Variants in VPS13B observed in about 807,000 individuals in gnomAD.
VPS13B encodes intermembrane lipid transfer protein VPS13B.
Under a neutral mutation model 426.4 loss-of-function variants are expected in VPS13B, and 285 were observed. The ratio of observed to expected loss-of-function variants is 0.67; its 90% confidence interval spans 0.61 to 0.74. The LOEUF is 0.74. Among genes scored for constraint, VPS13B ranks in the 30% least tolerant of loss-of-function variants. VPS13B has a pLI of 0.00. For synonymous variants in VPS13B, 1,676 were observed against 1,676.4 expected, an observed-to-expected ratio of 1.00 and a Z score of 0.01; for missense variants, 4,537 against 4,782.6, an observed-to-expected ratio of 0.95 and a Z score of 1.51.
chr8:99,470,520 G>T (rs1054055186), intron 24 of VPS13B, among the ~76,000 whole-genome samples: 1 of 152,048 alleles, frequency 6.6e-6, no homozygotes, highest in Non-Finnish European at 1.5e-5. Flanking sequence ...CATATTATGT[G>T]GGCTTAAAGG....
chr8:99,104,797 T>C (rs1321097853), intron 5 of VPS13B, among the ~76,000 whole-genome samples: 1 of 151,980 alleles, frequency 6.6e-6, no homozygotes, highest in African/African-American at 2.4e-5. Context: ...CTAATTTTTG[T>C]ATTTTTTTGT....
At chr8:99,312,211 A>G (rs1165835713) in intron 19 of VPS13B, among the ~76,000 whole-genome samples, 3 of 152,178 alleles carry the variant, frequency 2.0e-5, no homozygotes, top group South Asian at 2.1e-4. Context: ...TCCTGTCATT[A>G]TGATGTTAGC....
At chr8:99,729,913 TA>T (rs1310367327) in intron 39 of VPS13B, among the ~76,000 whole-genome samples, 2 of 152,248 alleles carry the variant, frequency 1.3e-5, no homozygotes, top group Non-Finnish European at 2.9e-5. Context: ...AAGCTTCCCG[TA>T]ATTTTGAAGC....
chr8:99,579,199 T>G (rs892590048), intron 33 of VPS13B, among the ~76,000 whole-genome samples: 2 of 152,172 alleles, frequency 1.3e-5, no homozygotes, highest in African/African-American at 2.4e-5. Flanking sequence ...CTGTAAAACT[T>G]TCCGTATTTT....
At chr8:99,016,431 A>G (rs150775119) in intron 2 of VPS13B, among the ~76,000 whole-genome samples, 2 of 149,324 alleles carry the variant, frequency 1.3e-5, no homozygotes, top group East Asian at 3.9e-4. Flanking sequence ...TGTAGTGATA[A>G]CCTCATTGTA....
chr8:99,838,816 A>C (rs1815524962), intron 54 of VPS13B, among the ~76,000 whole-genome samples: 1 of 152,232 alleles, frequency 6.6e-6, no homozygotes, highest in Admixed American at 6.5e-5. Context: ...CTGTGCCTTC[A>C]AGGTGAACAG....
intron 17 of VPS13B, among the ~76,000 whole-genome samples, chr8:99,253,818 G>A (rs1817621538): frequency 6.6e-6 from 1 of 151,952 alleles, no homozygotes; most frequent in African/African-American, 2.4e-5. Flanking sequence ...CTGTCTTCTT[G>A]TGGGTTAGTT....
At chr8:99,093,536 C>G (rs1438295644) in intron 3 of VPS13B, among the ~76,000 whole-genome samples, 1 of 141,458 alleles carries the variant, frequency 7.1e-6, no homozygotes, top group Admixed American at 7.0e-5. Context: ...CCCCTCCCCC[C>G]ACCTCACAAC....
chr8:99,160,705 T>C (rs1203431181), intron 15 of VPS13B, among the ~76,000 whole-genome samples: 1 of 150,884 alleles, frequency 6.6e-6, no homozygotes, highest in Non-Finnish European at 1.5e-5. Flanking sequence ...TCATGTAATG[T>C]ATCAAAAGAT....
chr8:99,678,830 A>G (rs537550869), intron 35 of VPS13B, among the ~76,000 whole-genome samples: 45 of 152,322 alleles, frequency 3.0e-4, no homozygotes, highest in African/African-American at 1.1e-3. Context: ...AAAAAGCAGG[A>G]TAAATGCTTA....
At chr8:99,797,015 G>A (rs1812870021) in intron 43 of VPS13B, 1 of 152,188 alleles carries the variant, frequency 6.6e-6, no homozygotes, top group Non-Finnish European at 1.5e-5. Context: ...CTTGGTGAGA[G>A]TTGCTGCAGA....
rs754524880 is a variant in VPS13B, at chr8:99,853,707, C to T, written c.10318C>T (p.His3440Tyr). ...CCAGCTTTATAACAAGTCCAATTTC[C>T]ACTTTGCTGTCTTAGTCTGCCAGGG... is the stretch of plus-strand genomic sequence containing the variant. ...DNQLYNKSNF[H>Y]FAVLVCQGEK... The change falls in exon 56 of 62, where the codon CAC (histidine) becomes TAC (tyrosine). Residue 3440 changes from histidine to tyrosine, a missense_variant. His to Tyr is a moderately conservative substitution (Grantham distance 83). This residue lies in a region of VPS13B where 4,311 missense variants were observed against 4,474.3 expected (regional missense o/e 0.96). Transcript: ENST00000357162. 6.2e-7 allele frequency: 1 copy of T among 1,614,078 alleles called. No homozygotes were observed. Among genetic ancestry groups the T allele is most frequent in the Non-Finnish European group, 8.5e-7 (1 of 1,180,040 alleles).
chr8:99,276,568 A>G, intron 19 of VPS13B, among the ~76,000 whole-genome samples: 1 of 152,168 alleles, frequency 6.6e-6, no homozygotes, highest in East Asian at 1.9e-4. Context: ...ATAGCTACAG[A>G]CAAAACTTAA....
intron 33 of VPS13B, among the ~76,000 whole-genome samples, chr8:99,631,195 C>T (rs1035093794): frequency 1.3e-5 from 2 of 151,966 alleles, no homozygotes; most frequent in African/African-American, 4.8e-5. Context: ...CTTGTTGTTC[C>T]AGGTCCAAAA....
chr8:99,024,897 C>A (rs907955393), intron 2 of VPS13B, among the ~76,000 whole-genome samples: 1 of 152,058 alleles, frequency 6.6e-6, no homozygotes, highest in African/African-American at 2.4e-5. Flanking sequence ...GTCATTTTAA[C>A]AACAGTTTTT....
chr8:99,013,893 G>T lies in VPS13B; in HGVS notation c.105G>T (p.Val35=), dbSNP rs2132125551. The T allele has an allele frequency of 1.2e-6, 2 of 1,614,080 alleles. No homozygotes were observed. Among genetic ancestry groups the T allele is most frequent in the Non-Finnish European group, 8.5e-7 (1 of 1,180,004 alleles). Residue 35 remains valine (V), a synonymous_variant, in exon 2 of 62, where the codon GTG becomes GTT. Coordinates refer to ENST00000357162, the MANE Select transcript of VPS13B (RefSeq NM_152564.5). ...DLQLSLWGGD[V]VLSKLELKLD... ...AGCTTTCACTATGGGGTGGAGACGT[G>T]GTACTCAGCAAGCTCGAGTTAAAGT...
At chr8:99,073,977 C>G (rs1036340324) in intron 3 of VPS13B, among the ~76,000 whole-genome samples, 1 of 151,858 alleles carries the variant, frequency 6.6e-6, no homozygotes, top group African/African-American at 2.4e-5. Flanking sequence ...CCCTATATTG[C>G]CCAGGCTGGC....
At chr8:99,848,719 C>T (rs1480190918) in intron 54 of VPS13B, 57 bp from the exon 55 acceptor site, 4 of 1,503,796 alleles carry the variant, frequency 2.7e-6, no homozygotes, top group Non-Finnish European at 3.7e-6. Context: ...GAAGTCAAGC[C>T]ACTTCAATAG....
chr8:99,784,483 G>C lies in VPS13B; in HGVS notation c.7941+7G>C, dbSNP rs764563210. ...CTCTCACAAATCCCCACAGGTATTT[G>C]AGAAACACCCTTACAAACAGCCATT... On this transcript the variant is annotated splice_region_variant and intron_variant, in intron 43 of 61. Coordinates refer to ENST00000357162, the MANE Select transcript of VPS13B (RefSeq NM_152564.5). The C allele has an allele frequency of 6.2e-7, 1 of 1,613,492 alleles. No individual in the cohort carries two copies. The highest frequency in any genetic ancestry group is 2.2e-5 in the East Asian group (1 of 44,858).
Sources: allele counts gnomAD v4.1 joint callset (sites outside exome capture counted in the v4.1 genomes callset), GRCh38; gene constraint gnomAD v4.1.1; regional missense constraint gnomAD v4.1.1; transcripts MANE v1.5; gene names NCBI Gene and HGNC (gene_info 2026-07-23, HGNC 2026-07-21).